Variants in UBAP2L observed in about 807,000 individuals in gnomAD.
UBAP2L encodes the protein ubiquitin-associated protein 2-like.
In UBAP2L, 12 loss-of-function variants were observed where a neutral mutation model predicts 130.6. The observed-to-expected ratio is 0.09, with a 90% CI of 0.06 to 0.15. UBAP2L has a LOEUF of 0.15. Ranked by LOEUF, UBAP2L falls within the 10% of genes least tolerant of loss-of-function variation. The pLI is 1.00. For missense variants in UBAP2L, 965 were observed against 1,332.5 expected, an observed-to-expected ratio of 0.72 and a Z score of 4.29; for synonymous variants, 503 against 524.7, an observed-to-expected ratio of 0.96 and a Z score of 0.57.
At chr1:154,250,825 T>G in intron 12 of UBAP2L, among the ~76,000 whole-genome samples, 1 of 132,722 alleles carries the variant, frequency 7.5e-6, no homozygotes, top group Admixed American at 8.9e-5. Context: ...CCAGCCTGGG[T>G]GACAGAGCAA....
intron 12 of UBAP2L, 108 bp from the exon 13 acceptor site, chr1:154,250,933 G>T: frequency 1.7e-6 from 2 of 1,152,170 alleles, no homozygotes. Flanking sequence ...CTGCTTATAT[G>T]AGTTTCTGAT....
rs1012231227 is a variant in UBAP2L at position 154,235,434 on chromosome 1, C to T, written c.544+143C>T. 7.0e-6 allele frequency: 4 copies of T among 567,866 alleles called. No homozygotes were observed. In the South Asian group the frequency reaches 9.4e-5, roughly 13 times the overall value. The allele number at this position is 567,866 out of a possible 1,614,324, so 35.2% of individuals were successfully genotyped here. ...GTGGCACAGTCATAGCTCACTGCAG[C>T]CTCAGACTCCTGGGCTCAAGTGATC... On this transcript the variant is annotated intron_variant, in intron 6 of 26. Coordinates refer to ENST00000428931, the MANE Select transcript of UBAP2L (RefSeq NM_014847.4).
intron 8 of UBAP2L, among the ~76,000 whole-genome samples, chr1:154,241,291 T>C (rs1036648245): frequency 1.6e-4 from 25 of 152,128 alleles, no homozygotes; most frequent in African/African-American, 5.8e-4. Context: ...TTTCTCCATG[T>C]TGGTCAGGCT....
intron 9 of UBAP2L, chr1:154,241,916 T>A: frequency 4.0e-6 from 1 of 251,248 alleles, no homozygotes; most frequent in Non-Finnish European, 6.3e-6. Context: ...GGTACATGAC[T>A]ACTTGGTGCA....
chr1:154,257,565 G>A, intron 20 of UBAP2L, 131 bp downstream of exon 20: 1 of 899,426 alleles, frequency 1.1e-6, no homozygotes, highest in Non-Finnish European at 1.7e-6. Flanking sequence ...TTGGCTCTGT[G>A]GAATCCATGT....
In UBAP2L at chr1:154,259,835, C is replaced by G. The variant is rs1253834621; in HGVS notation, c.2497-113C>G. On this transcript the variant is annotated intron_variant, in intron 21 of 26. Coordinates refer to ENST00000428931, the MANE Select transcript of UBAP2L (RefSeq NM_014847.4). ...TAACTCTAGCCAGCTTAATTAGTGA[C>G]TGGATAAATTGCACAACTCTCACAT... 8.0e-6 allele frequency: 9 copies of G among 1,129,802 alleles called. No individual in the cohort carries two copies. The African/African-American group carries it at 1.1e-4, about 13-fold the overall frequency. 70.0% of individuals were successfully genotyped at this position (1,129,802 alleles called of 1,614,324 possible).
chr1:154,223,743 A>C (rs1667085083), intron 1 of UBAP2L, among the ~76,000 whole-genome samples: 1 of 152,204 alleles, frequency 6.6e-6, no homozygotes. Context: ...AACTTGGTGA[A>C]GAATTTATGC....
rs1476506270 is a variant in UBAP2L at position 154,249,440 on chromosome 1, G to A, written c.1213+3G>A. The A allele has an allele frequency of 6.2e-7, 1 of 1,613,940 alleles. No homozygotes were observed. Among genetic ancestry groups the A allele is most frequent in the Non-Finnish European group, 8.5e-7 (1 of 1,180,018 alleles). ...ATCCCCATCACTGGTGCAGTATGGT[G>A]AGAAGATGGAAAGTGACTTGAATCT... On this transcript the variant is annotated splice_donor_region_variant and intron_variant, in intron 12 of 26. Transcript: ENST00000428931.
rs1246796332 is a variant in UBAP2L at position 154,241,538 on chromosome 1, G to A, written c.729G>A (p.Glu243=). ...GTGCATGGAGGACTGCAACAGAGGA[G>A]TGGGGGACTGAAGATTGGAATGAAG... ...GTSAWRTATE[E]WGTEDWNEDL... The change falls in exon 9 of 27, where the codon GAG becomes GAA. Residue 243 remains glutamate, a synonymous_variant. Coordinates refer to ENST00000428931, the MANE Select transcript of UBAP2L (RefSeq NM_014847.4). 1 of 1,614,034 alleles carries A rather than the reference G, an allele frequency of 6.2e-7. No individual in the cohort carries two copies. The highest frequency in any genetic ancestry group is 8.5e-7 in the Non-Finnish European group (1 of 1,179,956).
chr1:154,237,256 AG>A (rs1417951968), intron 8 of UBAP2L, 120 bp downstream of exon 8: 6 of 889,286 alleles, frequency 6.7e-6, no homozygotes, highest in Admixed American at 6.5e-5. Flanking sequence ...AGGGTGAGAA[AG>A]GGCTGGCAGT....
chr1:154,225,003 TTGG>T, intron 1 of UBAP2L, 78 bp from the exon 2 acceptor site: 1 of 775,612 alleles, frequency 1.3e-6, no homozygotes. Context: ...GTGAAAGTGT[TTGG>T]TGGTGAAGGT....
At chr1:154,267,880 C>CTTTTTT (rs869153080) in intron 25 of UBAP2L, among the ~76,000 whole-genome samples, 2,525 of 51,998 alleles carry the variant, frequency 0.049, 412 homozygotes, top group East Asian at 0.091. Flanking sequence ...CTTATTTGGT[C>CTTTTTT]TTTTTTTTTT....
intron 7 of UBAP2L, 140 bp from the exon 8 acceptor site, chr1:154,236,884 A>G: frequency 1.4e-6 from 1 of 700,946 alleles, no homozygotes; most frequent in Non-Finnish European, 2.4e-6. Flanking sequence ...AGTGAGAAAA[A>G]GTAGATGACA....
chr1:154,263,810 T>C (rs1012848159), intron 24 of UBAP2L, among the ~76,000 whole-genome samples: 1 of 152,180 alleles, frequency 6.6e-6, no homozygotes, highest in Non-Finnish European at 1.5e-5. Flanking sequence ...ACAAAAAAGT[T>C]TGGAGTGTCA....
Position 154,256,937 on chromosome 1 carries a change from A to G in UBAP2L, c.2158-126A>G, listed in dbSNP as rs533622217. The G allele has an allele frequency of 1.6e-4, 174 of 1,089,882 alleles. No individual in the cohort carries two copies. In the Middle Eastern group the frequency reaches 2.1e-3, roughly 13 times the overall value. The allele number at this position is 1,089,882 out of a possible 1,614,324, so 67.5% of individuals were successfully genotyped here. ...CAGGGTGTACTTTGGTACCTTGCCT[A>G]CTTGGCCTCTTTAATTAGGAAGTTG... On this transcript the variant is annotated intron_variant, in intron 18 of 26. Coordinates refer to ENST00000428931, the MANE Select transcript of UBAP2L (RefSeq NM_014847.4).
At chr1:154,241,910 C>A in intron 9 of UBAP2L, 1 of 275,752 alleles carries the variant, frequency 3.6e-6, no homozygotes, top group Non-Finnish European at 5.5e-6. Context: ...GCTGGTGGTA[C>A]ATGACTACTT....
At chr1:154,269,681 T>A in intron 26 of UBAP2L, 1 of 338,478 alleles carries the variant, frequency 3.0e-6, no homozygotes, top group Non-Finnish European at 5.8e-6. Flanking sequence ...GCCTGAGGCC[T>A]CAGACTGCCT....
rs1679404805 is a variant in UBAP2L at position 154,255,716 on chromosome 1, A to C, written c.2118A>C (p.Ser706=). The C allele has an allele frequency of 1.9e-6, 3 of 1,614,102 alleles. No individual in the cohort carries two copies. The South Asian group carries it at 3.3e-5, about 18-fold the overall frequency. The change falls in exon 18 of 27, where the codon TCA becomes TCC. Residue 706 remains serine, a synonymous_variant. Coordinates refer to ENST00000428931, the MANE Select transcript of UBAP2L (RefSeq NM_014847.4). ...TLSTQQNTLS[S]STSSGRTSTS... ...CTACGCAGCAGAATACCCTTTCATCATCAACATCTTCTGGGCGCACTTCGA... is the reference window on the plus strand; with the variant it reads ...CTACGCAGCAGAATACCCTTTCATCCTCAACATCTTCTGGGCGCACTTCGA...
At chr1:154,264,887 T>C (rs1350308929) in intron 24 of UBAP2L, among the ~76,000 whole-genome samples, 2 of 152,218 alleles carry the variant, frequency 1.3e-5, no homozygotes, top group African/African-American at 4.8e-5. Context: ...TTAAGCCTTT[T>C]CCATAACTGA....
Sources: allele counts gnomAD v4.1 joint callset (sites outside exome capture counted in the v4.1 genomes callset), GRCh38; gene constraint gnomAD v4.1.1; transcripts MANE v1.5; gene names NCBI Gene and HGNC (gene_info 2026-07-23, HGNC 2026-07-21).